IQCK: variants seen among roughly 807,000 people sequenced by gnomAD.
The protein encoded by IQCK is IQ domain-containing protein K.
Under a neutral mutation model 28.1 loss-of-function variants are expected in IQCK, and 29 were observed. The ratio of observed to expected loss-of-function variants is 1.03; its 90% CI spans 0.77 to 1.41. IQCK has a LOEUF of 1.41. IQCK is among the 40% of genes most tolerant of loss of function. IQCK has a pLI of 0.00. For missense variants in IQCK, 359 were observed against 314.7 expected (o/e 1.14, Z -1.07); for synonymous variants, 113 against 115.1 (o/e 0.98, Z 0.12).
intron 6 of IQCK, among the ~76,000 whole-genome samples, chr16:19,786,786 AAAG>A (rs1213322398): frequency 3.6e-5 from 4 of 111,246 alleles, no homozygotes; most frequent in East Asian, 4.8e-4. Flanking sequence ...ATCACCTAGA[AAAG>A]AAAGAAAGAG....
At chr16:19,843,642 AG>A (rs1247422540) in intron 9 of IQCK, among the ~76,000 whole-genome samples, 1 of 152,160 alleles carries the variant, frequency 6.6e-6, no homozygotes, top group African/African-American at 2.4e-5. Context: ...CTTCTCTCAT[AG>A]TTCTGGAGAC....
intron 9 of IQCK, among the ~76,000 whole-genome samples, chr16:19,838,975 C>T (rs1197155332): frequency 5.2e-5 from 7 of 135,090 alleles, no homozygotes; most frequent in African/African-American, 8.4e-5. Flanking sequence ...GGCAAGATCA[C>T]GCCACTGCAC....
chr16:19,769,533 A>C (rs577006403), intron 6 of IQCK, among the ~76,000 whole-genome samples: 1 of 152,342 alleles, frequency 6.6e-6, no homozygotes, highest in East Asian at 1.9e-4. Context: ...GAGAAGAGAC[A>C]GGATTTGGTC....
chr16:19,741,857 G>A lies in IQCK; in HGVS notation c.474+6407G>A, dbSNP rs150707675. Among the ~76,000 whole-genome samples, 299 of 152,210 alleles carry A rather than the reference G, an allele frequency of 2.0e-3. 3 individuals are homozygous for A. The highest frequency in any genetic ancestry group is 6.9e-3 in the African/African-American group (288 of 41,528). On this transcript the variant is annotated intron_variant, in intron 4 of 7. Coordinates refer to ENST00000564186, the Ensembl canonical transcript of IQCK. ...CCAAAATTAGCCAGGTGTGGTTGCA[G>A]GCACCTGTAATTTCAGCTACTTGGG... is the stretch of plus-strand genomic sequence containing the variant.
intron 4 of IQCK, among the ~76,000 whole-genome samples, chr16:19,756,029 A>G (rs775338657): frequency 1.3e-5 from 2 of 152,118 alleles, no homozygotes; most frequent in Non-Finnish European, 2.9e-5. Flanking sequence ...CTAAAATTCA[A>G]AAAAATTAGC....
chr16:19,849,942 C>T (rs2056461624), intron 9 of IQCK, among the ~76,000 whole-genome samples: 1 of 152,174 alleles, frequency 6.6e-6, no homozygotes, highest in African/African-American at 2.4e-5. Flanking sequence ...TGGTATTGAA[C>T]AATTTCAAAT....
chr16:19,736,998 A>G (rs1274340438), intron 4 of IQCK, among the ~76,000 whole-genome samples: 1 of 151,658 alleles, frequency 6.6e-6, no homozygotes, highest in East Asian at 1.9e-4. Context: ...AAAAAAAAAA[A>G]AAAGAAAAAG....
intron 9 of IQCK, among the ~76,000 whole-genome samples, chr16:19,855,490 CAGG>C (rs2056548097): frequency 1.3e-5 from 2 of 152,268 alleles, no homozygotes; most frequent in East Asian, 3.9e-4. Context: ...GATGCTGAGG[CAGG>C]AGAATCGCTT....
chr16:19,743,966 T>C (rs114307233), intron 4 of IQCK, among the ~76,000 whole-genome samples: 4,622 of 152,154 alleles, frequency 0.03, 212 homozygotes, highest in African/African-American at 0.11. Flanking sequence ...CACACATCTA[T>C]TGTGTGGTGT....
chr16:19,718,548 TG>T, intron 1 of IQCK, 61 bp downstream of exon 1: 1 of 1,434,106 alleles, frequency 7.0e-7, no homozygotes. Flanking sequence ...GGGCCGCGTT[TG>T]GGGAGCGCCC....
At chr16:19,782,004 A>G (rs897392760) in intron 6 of IQCK, among the ~76,000 whole-genome samples, 2 of 151,730 alleles carry the variant, frequency 1.3e-5, no homozygotes, top group South Asian at 4.2e-4. Flanking sequence ...ACAACAAAAA[A>G]GAATGTGATG....
chr16:19,755,573 G>A (rs1319169182), intron 4 of IQCK, among the ~76,000 whole-genome samples: 2 of 152,210 alleles, frequency 1.3e-5, no homozygotes, highest in African/African-American at 4.8e-5. Flanking sequence ...AAGGAGCCAT[G>A]GCCAAGGAGC....
At chr16:19,813,346 C>T (rs1327248994) in intron 7 of IQCK, among the ~76,000 whole-genome samples, 1 of 152,102 alleles carries the variant, frequency 6.6e-6, no homozygotes, top group Non-Finnish European at 1.5e-5. Context: ...GAATCTTGAA[C>T]TAGATAAATA....
chr16:19,765,453 G>T (rs530346703), intron 6 of IQCK, among the ~76,000 whole-genome samples: 183 of 152,040 alleles, frequency 1.2e-3, no homozygotes, highest in African/African-American at 4.2e-3. Flanking sequence ...CAGGAGTATC[G>T]CTTGAACCCG....
At chr16:19,856,598 A>C (rs2056566231) in exon 10 of IQCK, 5 of 1,447,066 alleles carry the variant, frequency 3.5e-6, no homozygotes, top group Non-Finnish European at 4.9e-6. Context: ...TACCTTGTGC[A>C]AGGAAAATGT....
chr16:19,828,860 AT>A (rs1262408985), downstream of IQCK, among the ~76,000 whole-genome samples: 11 of 134,032 alleles, frequency 8.2e-5, no homozygotes, highest in Non-Finnish European at 1.5e-4. Flanking sequence ...CAAAAAAAAT[AT>A]ATATATATAT....
intron 1 of IQCK, among the ~76,000 whole-genome samples, chr16:19,722,613 T>G (rs1977529042): frequency 6.6e-6 from 1 of 152,192 alleles, no homozygotes; most frequent in African/African-American, 2.4e-5. Context: ...CTGTTTTCAA[T>G]GCTGGGCCAG....
intron 4 of IQCK, 42 bp from the exon 5 acceptor site, chr16:19,763,806 T>G: frequency 6.8e-7 from 1 of 1,461,636 alleles, no homozygotes; most frequent in Non-Finnish European, 9.6e-7. Context: ...ATCCATAGTG[T>G]TTAAGGGTCA....
Position 19,757,489 on chromosome 16 carries a change from A to G in IQCK, c.475-6359A>G, listed in dbSNP as rs1366457222. Among the ~76,000 whole-genome samples, 33 of 152,216 alleles carry G rather than the reference A, an allele frequency of 2.2e-4. 1 individual carries two copies. Among genetic ancestry groups the G allele is most frequent in the Admixed American group, 2.2e-3 (33 of 15,282 alleles). ...GCAGTTGGAGACCAGCCTGGCCAAC[A>G]TGGCAAAACCCCATACCTACTAAAA... On this transcript the variant is annotated intron_variant, in intron 4 of 7. Transcript: ENST00000564186.
Sources: gnomAD v4.1 joint callset for allele counts (sites outside exome capture counted in the v4.1 genomes callset) on GRCh38, gnomAD v4.1.1 for gene constraint, MANE v1.5 for transcripts, NCBI Gene and HGNC (gene_info 2026-07-23, HGNC 2026-07-21) for gene names.